SGCZ: variants seen among roughly 807,000 people sequenced by gnomAD.
SGCZ encodes the protein sarcoglycan zeta, also known as zeta-sarcoglycan.
Under a neutral mutation model 41.3 loss-of-function variants are expected in SGCZ, and 40 were observed. That is an observed-to-expected ratio of 0.97 (90% CI 0.75 to 1.26). SGCZ has a LOEUF of 1.26. Among genes scored for constraint, SGCZ ranks in the 50% most tolerant of loss-of-function variants. SGCZ has a pLI of 0.00. For missense variants in SGCZ, 552 were observed against 369.8 expected (o/e 1.49, Z -4.04); for synonymous variants, 206 against 137.5 (o/e 1.50, Z -3.49).
Position 15,197,634 on chromosome 8 carries a change from C to G in SGCZ, c.39+39951G>C, listed in dbSNP as rs560733936. Among the ~76,000 whole-genome samples, 3 of 152,174 alleles carry G rather than the reference C, an allele frequency of 2.0e-5. No homozygotes were observed. The East Asian group carries it at 5.8e-4, about 29-fold the overall frequency. On this transcript the variant is annotated intron_variant, in intron 1 of 7. Coordinates refer to ENST00000382080, the MANE Select transcript of SGCZ (RefSeq NM_139167.4). ...CAGAATGAATAAAGAAATGATAGGT[C>G]ACCAAAATCACAACAGAGCTGTGAC... is the stretch of plus-strand genomic sequence containing the variant.
At chr8:15,042,067 G>C (rs1230303867) in intron 1 of SGCZ, among the ~76,000 whole-genome samples, 1 of 152,088 alleles carries the variant, frequency 6.6e-6, no homozygotes, top group Non-Finnish European at 1.5e-5. Context: ...TGCAGGAAAT[G>C]CTCATTTTGT....
At chr8:14,914,003 C>T (rs1799354446) in intron 1 of SGCZ, among the ~76,000 whole-genome samples, 1 of 151,828 alleles carries the variant, frequency 6.6e-6, no homozygotes, top group African/African-American at 2.4e-5. Flanking sequence ...GCTTAGAACA[C>T]ACAAAATTCA....
At chr8:14,812,591 C>T (rs543523641) in intron 1 of SGCZ, among the ~76,000 whole-genome samples, 1 of 152,030 alleles carries the variant, frequency 6.6e-6, no homozygotes, top group Non-Finnish European at 1.5e-5. Flanking sequence ...ATATCATAAC[C>T]TAAATGGCCT....
intron 1 of SGCZ, among the ~76,000 whole-genome samples, chr8:14,942,794 T>C (rs1489813957): frequency 6.6e-6 from 1 of 152,268 alleles, no homozygotes; most frequent in South Asian, 2.1e-4. Flanking sequence ...CTTTGATATC[T>C]ATATACTGAT....
intron 5 of SGCZ, among the ~76,000 whole-genome samples, chr8:14,145,278 C>T (rs1056388244): frequency 6.6e-6 from 1 of 152,114 alleles, no homozygotes; most frequent in African/African-American, 2.4e-5. Context: ...GAGTCTCTGC[C>T]TGGTAATCCA....
intron 1 of SGCZ, among the ~76,000 whole-genome samples, chr8:14,673,736 G>A (rs527458359): frequency 1.3e-4 from 20 of 152,208 alleles, no homozygotes; most frequent in African/African-American, 4.6e-4. Flanking sequence ...ACAAATTAAT[G>A]TACAGATGAA....
At chr8:15,062,918 T>C (rs977541875) in intron 1 of SGCZ, among the ~76,000 whole-genome samples, 34 of 152,102 alleles carry the variant, frequency 2.2e-4, no homozygotes, top group African/African-American at 8.2e-4. Flanking sequence ...AAAATAGACC[T>C]AAGCTAACAA....
intron 2 of SGCZ, among the ~76,000 whole-genome samples, chr8:14,553,109 A>G (rs1803923192): frequency 1.3e-5 from 2 of 152,096 alleles, no homozygotes; most frequent in Non-Finnish European, 2.9e-5. Flanking sequence ...AGGAGCATAA[A>G]CATTGCTCCT....
At chr8:14,405,654 T>C in intron 2 of SGCZ, among the ~76,000 whole-genome samples, 1 of 152,192 alleles carries the variant, frequency 6.6e-6, no homozygotes, top group East Asian at 1.9e-4. Flanking sequence ...TAATTCTGCT[T>C]TGAGATTCTG....
intron 5 of SGCZ, among the ~76,000 whole-genome samples, chr8:14,115,126 T>G (rs1802484861): frequency 6.6e-6 from 1 of 151,974 alleles, no homozygotes; most frequent in Non-Finnish European, 1.5e-5. Context: ...ATATATATTC[T>G]CAGGAAATAG....
At chr8:14,447,307 G>A (rs1800460632) in intron 2 of SGCZ, among the ~76,000 whole-genome samples, 1 of 152,056 alleles carries the variant, frequency 6.6e-6, no homozygotes, top group African/African-American at 2.4e-5. Flanking sequence ...GGTGTTTAAT[G>A]CATGTTTTTT....
chr8:14,611,049 C>A (rs1038990928), intron 1 of SGCZ, among the ~76,000 whole-genome samples: 1 of 152,058 alleles, frequency 6.6e-6, no homozygotes, highest in Non-Finnish European at 1.5e-5. Context: ...AGAAAGAAAT[C>A]TTTTATTGGA....
intron 1 of SGCZ, among the ~76,000 whole-genome samples, chr8:15,230,182 A>G (rs1402136948): frequency 7.7e-6 from 1 of 129,362 alleles, no homozygotes; most frequent in East Asian, 2.3e-4. Context: ...TAAGGATACT[A>G]GTTAAAAAAA....
chr8:15,089,088 A>G (rs1258785230), intron 1 of SGCZ, among the ~76,000 whole-genome samples: 4 of 152,184 alleles, frequency 2.6e-5, no homozygotes, highest in Non-Finnish European at 1.5e-5. Flanking sequence ...ACTTACTGAA[A>G]GTCTAACGTT....
In SGCZ at chr8:14,567,225, G is replaced by T. The variant is rs78665185; in HGVS notation, c.40-12299C>A. ...CGCCCAAGGGCTGAGGAGTGCAGGC[G>T]CACGGCTTGGGACTTGCAGGCAACT... On this transcript the variant is annotated intron_variant, in intron 1 of 7. Transcript: ENST00000382080. Among the ~76,000 whole-genome samples the T allele has an allele frequency of 1.9e-4, 29 of 152,314 alleles. No homozygotes were observed. The South Asian group carries it at 5.6e-3, about 29-fold the overall frequency.
chr8:14,437,206 A>G (rs182509414), intron 2 of SGCZ, among the ~76,000 whole-genome samples: 2 of 152,292 alleles, frequency 1.3e-5, no homozygotes, highest in Non-Finnish European at 2.9e-5. Context: ...TGATTATGCA[A>G]TGGATCTGGC....
intron 1 of SGCZ, among the ~76,000 whole-genome samples, chr8:14,772,426 CT>C (rs201670346): frequency 6.1e-4 from 90 of 148,372 alleles, no homozygotes; most frequent in Non-Finnish European, 1.0e-3. Flanking sequence ...CTTAGTATTT[CT>C]TTTTTTTTTC....
chr8:14,752,538 G>A (rs550274607), intron 1 of SGCZ, among the ~76,000 whole-genome samples: 1 of 152,080 alleles, frequency 6.6e-6, no homozygotes, highest in Admixed American at 6.6e-5. Flanking sequence ...AGCCCAATTG[G>A]TCTATAAGCT....
Position 14,090,393 on chromosome 8 carries a change from A to G in SGCZ, c.*50T>C. 1 of 1,570,280 alleles carries G rather than the reference A, an allele frequency of 6.4e-7. No homozygotes were observed. Among genetic ancestry groups the G allele is most frequent in the Admixed American group, 1.8e-5 (1 of 56,022 alleles). ...GGGAAACCGAGCAGAACTGTGAAGC[A>G]GACGGACAGGAACAAAAGGCTATTC... is the stretch of plus-strand genomic sequence containing the variant. On this transcript the variant is annotated 3_prime_UTR_variant, in exon 8 of 8. Transcript: ENST00000382080.
Sources: allele counts gnomAD v4.1 joint callset (sites outside exome capture counted in the v4.1 genomes callset), GRCh38; gene constraint gnomAD v4.1.1; transcripts MANE v1.5; gene names NCBI Gene and HGNC (gene_info 2026-07-23, HGNC 2026-07-21).